Variants in ZNF684 observed in about 807,000 individuals in gnomAD.
ZNF684 encodes hypothetical protein MGC27466.
A neutral mutation model predicts 12.8 loss-of-function variants in ZNF684; 13 were observed. The observed-to-expected ratio is 1.02, with a 90% CI of 0.66 to 1.62. ZNF684 has a LOEUF of 1.62. Among genes scored for constraint, ZNF684 ranks in the 40% most tolerant of loss-of-function variants. The pLI is 0.00. For missense variants in ZNF684, 384 were observed against 446.9 expected, an observed-to-expected ratio of 0.86 and a Z score of 1.27; for synonymous variants, 118 against 151.8, an observed-to-expected ratio of 0.78 and a Z score of 1.64.
At chr1:40,538,673 T>C (rs1276437054) in intron 2 of ZNF684, among the ~76,000 whole-genome samples, 2 of 151,694 alleles carry the variant, frequency 1.3e-5, no homozygotes, top group Admixed American at 1.3e-4. Context: ...GCCTGGCCAA[T>C]GTGGTAGAAC....
chr1:40,543,152 T>A lies in ZNF684; in HGVS notation c.238+1442T>A, dbSNP rs561361423. Among the ~76,000 whole-genome samples the A allele has an allele frequency of 5.9e-5, 9 of 152,280 alleles. No individual in the cohort carries two copies. In the East Asian group the frequency reaches 1.7e-3, roughly 29 times the overall value. On this transcript the variant is annotated intron_variant, in intron 4 of 4. Transcript: ENST00000372699. ...CCAAGCAGCTGGGACCACAGGCACA[T>A]GCCACAGTCCTCAGCTGAATTTTAA...
rs763590596 is a variant in ZNF684 at position 40,546,667 on chromosome 1, G to T, written c.344G>T (p.Arg115Ile). 1 of 1,608,700 alleles carries T rather than the reference G, an allele frequency of 6.2e-7. No homozygotes were observed. Among genetic ancestry groups the T allele is most frequent in the Admixed American group, 1.7e-5 (1 of 58,690 alleles). Reference protein sequence around the residue: ...LTFNKILTMERIHHYNMSTSL... With the variant: ...LTFNKILTMEIIHHYNMSTSL... ...TTCAATAAAATTCTGACTATGGAGA[G>T]AATCCACCATTATAATATGAGCACA... Residue 115 changes from arginine (R) to isoleucine (I), a missense_variant, in exon 5 of 5, where the codon AGA becomes ATA. Physicochemically the swap from Arg to Ile is moderately conservative, Grantham distance 97 (BLOSUM62 -3). Coordinates refer to ENST00000372699, the MANE Select transcript of ZNF684 (RefSeq NM_152373.4).
chr1:40,545,570 G>A (rs1234363595), intron 4 of ZNF684, among the ~76,000 whole-genome samples: 6 of 152,100 alleles, frequency 3.9e-5, no homozygotes, highest in Admixed American at 1.3e-4. Flanking sequence ...GATGACTTAC[G>A]CTTGGATGAC....
chr1:40,537,704 C>T (rs1645992902), intron 2 of ZNF684, among the ~76,000 whole-genome samples: 1 of 151,950 alleles, frequency 6.6e-6, no homozygotes, highest in African/African-American at 2.4e-5. Flanking sequence ...GATCACACTA[C>T]TGCACTCCAG....
In ZNF684 at chr1:40,547,851, C is replaced by T. The variant is rs577152386; in HGVS notation, c.*391C>T. ...CTGCAGTAAATAACATTTTTTCTTC[C>T]AGTCTCAACATACATAATTAATCAA... On this transcript the variant is annotated 3_prime_UTR_variant, in exon 5 of 5. Transcript: ENST00000372699. The T allele has an allele frequency of 6.4e-6, 1 of 155,624 alleles. No homozygotes were observed. The highest frequency in any genetic ancestry group is 1.9e-4 in the East Asian group (1 of 5,244). 9.6% of individuals were successfully genotyped at this position (155,624 alleles called of 1,614,324 possible). A position where few individuals can be genotyped will look rare whatever the true frequency, so the allele number is the denominator to read the frequency against.
chr1:40,538,333 C>A (rs1167193055), intron 2 of ZNF684, among the ~76,000 whole-genome samples: 1 of 152,098 alleles, frequency 6.6e-6, no homozygotes, highest in Non-Finnish European at 1.5e-5. Context: ...TGTAGATGTA[C>A]CAGTGCTTGA....
chr1:40,546,873 A>G lies in ZNF684; in HGVS notation c.550A>G (p.Lys184Glu). The G allele has an allele frequency of 2.5e-6, 4 of 1,613,644 alleles. No individual in the cohort carries two copies. The highest frequency in any genetic ancestry group is 1.1e-5 in the South Asian group (1 of 90,790). ...FIRHEKNHTR[K>E]KPFECNDCGK... ...TAGACATGAAAAAAATCATACAAGG[A>G]AAAAACCTTTTGAATGCAATGACTG... Residue 184 changes from lysine to glutamate, a missense_variant, in exon 5 of 5, where the codon AAA becomes GAA. By Grantham distance (56) the Lys-to-Glu change is moderately conservative. Coordinates refer to ENST00000372699, the MANE Select transcript of ZNF684 (RefSeq NM_152373.4).
Position 40,547,178 on chromosome 1 carries a change from C to T in ZNF684, c.855C>T (p.Ser285=). 6.2e-7 allele frequency: 1 copy of T among 1,614,164 alleles called. No homozygotes were observed. The highest frequency in any genetic ancestry group is 8.5e-7 in the Non-Finnish European group (1 of 1,180,030). Residue 285 remains serine, a synonymous_variant, in exon 5 of 5, where the codon TCC becomes TCT. Transcript: ENST00000372699. ...ECGKTFRYSS[S]LYKHSRFHTG... is the part of the protein sequence containing the mutation. ...GGAAAACCTTCAGGTATAGTTCATC[C>T]CTTTATAAACATTCCAGATTTCATA... is the stretch of plus-strand genomic sequence containing the variant.
In ZNF684 at chr1:40,540,600, C is replaced by A; in HGVS notation, c.30C>A (p.Phe10Leu). MISFQESVT[F>L]QDVAVDFTAE... ...TGCTGTTACAGGAATCAGTGACATT[C>A]CAGGATGTGGCTGTGGATTTCACTG... Residue 10 changes from phenylalanine (F) to leucine (L), a missense_variant, in exon 3 of 5, where the codon TTC (phenylalanine) becomes TTA (leucine). Physicochemically the swap from Phe to Leu is conservative, Grantham distance 22 (BLOSUM62 0). Transcript: ENST00000372699. 1 of 1,602,846 alleles carries A rather than the reference C, an allele frequency of 6.2e-7. No individual in the cohort carries two copies. The highest frequency in any genetic ancestry group is 1.1e-5 in the South Asian group (1 of 89,418).
Position 40,547,441 on chromosome 1 carries a change from A to C in ZNF684, c.1118A>C (p.His373Pro), listed in dbSNP as rs773429442. 3 of 1,602,248 alleles carry C rather than the reference A, an allele frequency of 1.9e-6. No individual in the cohort carries two copies. Among genetic ancestry groups the C allele is most frequent in the Admixed American group, 3.4e-5 (2 of 58,310 alleles). Reference sequence around the variant, plus strand: ...TCCCAGAAGTCAAATCTTATTGTACATCAGAAAATTCATACATAATATTCA... The same window carrying C: ...TCCCAGAAGTCAAATCTTATTGTACCTCAGAAAATTCATACATAATATTCA... ...AFSQKSNLIVHQKIHT is the reference protein window; with the variant it reads ...AFSQKSNLIVPQKIHT Residue 373 changes from histidine to proline, a missense_variant, in exon 5 of 5, where the codon CAT becomes CCT. His to Pro is a moderately conservative substitution (Grantham distance 77). Transcript: ENST00000372699.
chr1:40,534,043 C>T (rs1020970570), intron 2 of ZNF684, among the ~76,000 whole-genome samples: 3 of 151,388 alleles, frequency 2.0e-5, no homozygotes, highest in East Asian at 1.9e-4. Context: ...AGGCTGGTCT[C>T]GAATTCCTGA....
intron 3 of ZNF684, 130 bp downstream of exon 3, chr1:40,540,842 A>G: frequency 1.0e-6 from 1 of 959,952 alleles, no homozygotes; most frequent in Non-Finnish European, 1.4e-6. Flanking sequence ...GGGAGGCAGG[A>G]GAATTGCTTG....
chr1:40,537,429 A>G (rs1468461885), intron 2 of ZNF684, among the ~76,000 whole-genome samples: 1 of 152,220 alleles, frequency 6.6e-6, no homozygotes, highest in Non-Finnish European at 1.5e-5. Flanking sequence ...TCATACCACA[A>G]AAGTGACCCA....
Position 40,533,136 on chromosome 1 carries a change from T to C in ZNF684, c.-24-7T>C. Reference sequence around the variant, plus strand: ...TTCTATTCTCTTCCCCATTTCTACTTTCATAGATTTCTGTGTAAGAGCTGC... The same window carrying C: ...TTCTATTCTCTTCCCCATTTCTACTCTCATAGATTTCTGTGTAAGAGCTGC... On this transcript the variant is annotated splice_polypyrimidine_tract_variant and splice_region_variant and intron_variant, in intron 1 of 4. Transcript: ENST00000372699. 1 of 1,611,478 alleles carries C rather than the reference T, an allele frequency of 6.2e-7. No individual in the cohort carries two copies. The highest frequency in any genetic ancestry group is 1.1e-5 in the South Asian group (1 of 90,856).
intron 4 of ZNF684, among the ~76,000 whole-genome samples, chr1:40,542,786 AT>A (rs975490508): frequency 6.6e-6 from 1 of 152,070 alleles, no homozygotes; most frequent in Non-Finnish European, 1.5e-5. Context: ...AAGCAATTTG[AT>A]TTTTTTCCTG....
Position 40,533,135 on chromosome 1 carries a change from T to G in ZNF684, c.-24-8T>G. ...TTTCTATTCTCTTCCCCATTTCTAC[T>G]TTCATAGATTTCTGTGTAAGAGCTG... On this transcript the variant is annotated splice_polypyrimidine_tract_variant and splice_region_variant and intron_variant, in intron 1 of 4. Coordinates refer to ENST00000372699, the MANE Select transcript of ZNF684 (RefSeq NM_152373.4). The G allele has an allele frequency of 6.2e-7, 1 of 1,611,336 alleles. No homozygotes were observed.
intron 4 of ZNF684, chr1:40,545,011 C>G (rs957178086): frequency 6.6e-6 from 1 of 152,114 alleles, no homozygotes; most frequent in African/African-American, 2.4e-5. Context: ...TGCATGCTTC[C>G]CATGAGTGAA....
chr1:40,537,010 T>C (rs949199941), intron 2 of ZNF684, among the ~76,000 whole-genome samples: 1 of 151,974 alleles, frequency 6.6e-6, no homozygotes, highest in African/African-American at 2.4e-5. Flanking sequence ...ATGATTTTTA[T>C]TCCTTTGGGT....
chr1:40,541,882 C>T (rs573261004), intron 4 of ZNF684, among the ~76,000 whole-genome samples, 172 bp downstream of exon 4: 2 of 152,300 alleles, frequency 1.3e-5, no homozygotes, highest in South Asian at 4.1e-4. Context: ...TCTCCCCACA[C>T]GTGCCCTTTC....
Sources: allele counts gnomAD v4.1 joint callset (sites outside exome capture counted in the v4.1 genomes callset), GRCh38; gene constraint gnomAD v4.1.1; transcripts MANE v1.5; gene names NCBI Gene and HGNC (gene_info 2026-07-23, HGNC 2026-07-21).